PRMT8: variants seen among roughly 807,000 people sequenced by gnomAD.
PRMT8 encodes protein arginine N-methyltransferase 8.
Under a neutral mutation model 47.1 loss-of-function variants are expected in PRMT8, and 7 were observed. That is an observed-to-expected ratio of 0.15 (90% CI 0.08 to 0.28). The LOEUF is 0.28. Ranked by LOEUF, PRMT8 falls within the 10% of genes least tolerant of loss-of-function variation. The probability of loss-of-function intolerance (pLI) is 1.00; values close to 1 mark genes in which losing one functional copy is unlikely to be tolerated. For missense variants in PRMT8, 237 were observed against 505.4 expected (o/e 0.47, Z 5.09); for synonymous variants, 188 against 186.5 (o/e 1.01, Z -0.07).
At chr12:3,490,788 A>G (rs1180931369), upstream of PRMT8, among the ~76,000 whole-genome samples, 2 of 147,534 alleles carry the variant, frequency 1.4e-5, no homozygotes, top group African/African-American at 4.9e-5. Flanking sequence ...CCCCATCCAG[A>G]CACCCACCCC....
In PRMT8 at chr12:3,568,249, A is replaced by G. The variant is rs188379421; in HGVS notation, c.482-457A>G. 1.5e-3 allele frequency among the ~76,000 whole-genome samples: 232 copies of G among 152,170 alleles called. 2 individuals carry two copies. The highest frequency in any genetic ancestry group is 5.3e-3 in the African/African-American group (219 of 41,504). Reference sequence around the variant, plus strand: ...AGGTCTCTGTCCTCATTGCCTTCACATGGAATAGGCTGAGGAGGAGGGAGA... The same window carrying G: ...AGGTCTCTGTCCTCATTGCCTTCACGTGGAATAGGCTGAGGAGGAGGGAGA... On this transcript the variant is annotated intron_variant, in intron 4 of 9. Coordinates refer to ENST00000382622, the MANE Select transcript of PRMT8 (RefSeq NM_019854.5).
chr12:3,463,738 C>T (rs1423777949), intron 1 of PRMT8, among the ~76,000 whole-genome samples: 1 of 152,176 alleles, frequency 6.6e-6, no homozygotes, highest in African/African-American at 2.4e-5. Flanking sequence ...GAATTACAGG[C>T]ATGAGCCACT....
chr12:3,513,601 G>T (rs993500443), intron 1 of PRMT8, among the ~76,000 whole-genome samples: 1 of 152,068 alleles, frequency 6.6e-6, no homozygotes, highest in Non-Finnish European at 1.5e-5. Context: ...TAGGGAATGC[G>T]TGCGCTCCGT....
intron 1 of PRMT8, among the ~76,000 whole-genome samples, chr12:3,382,900 G>C (rs1021346326): frequency 6.6e-6 from 1 of 152,166 alleles, no homozygotes; most frequent in African/African-American, 2.4e-5. Context: ...GTAGGACTTA[G>C]GGGAAGGGAG....
chr12:3,491,328 G>C lies in PRMT8; in HGVS notation c.-298G>C. The C allele has an allele frequency of 9.2e-7, 1 of 1,091,132 alleles. No homozygotes were observed. Among genetic ancestry groups the C allele is most frequent in the East Asian group, 5.8e-5 (1 of 17,218 alleles). 67.6% of individuals were successfully genotyped at this position (1,091,132 alleles called of 1,614,324 possible). On this transcript the variant is annotated 5_prime_UTR_variant, in exon 1 of 10. Transcript: ENST00000382622. Reference sequence around the variant, plus strand: ...CCGCCGCCGCGGAGGCTTCGGGGCTGCTTCCCTCGAGCTTAGCCCGCAGCG... The same window carrying C: ...CCGCCGCCGCGGAGGCTTCGGGGCTCCTTCCCTCGAGCTTAGCCCGCAGCG...
At chr12:3,489,398 G>A (rs1256763460), upstream of PRMT8, among the ~76,000 whole-genome samples, 1 of 151,796 alleles carries the variant, frequency 6.6e-6, no homozygotes, top group African/African-American at 2.4e-5. Context: ...GGAGGCTGGG[G>A]AGCTGGGTCC....
At chr12:3,467,949 G>A (rs4766128) in intron 1 of PRMT8, among the ~76,000 whole-genome samples, 59,583 of 152,062 alleles carry the variant, frequency 0.39, 13,425 homozygotes, top group South Asian at 0.56. Flanking sequence ...CACCCTAACT[G>A]AGGCGGGGGC....
rs183256455 is a variant in PRMT8 at position 3,399,293 on chromosome 12, A to C, written c.48+17851A>C. 3.3e-5 allele frequency among the ~76,000 whole-genome samples: 5 copies of C among 152,302 alleles called. No homozygotes were observed. In the East Asian group the frequency reaches 9.7e-4, roughly 29 times the overall value. On this transcript the variant is annotated intron_variant, in intron 1 of 9. Coordinates refer to the PRMT8 transcript ENST00000452611. ...ACCCTTTTACCAGCAAGTAGCTTTCAAAGTTGGCGACTGGGGAGCTGGAGA... is the reference window on the plus strand; with the variant it reads ...ACCCTTTTACCAGCAAGTAGCTTTCCAAGTTGGCGACTGGGGAGCTGGAGA...
rs898799327 is a variant in PRMT8 at position 3,473,227 on chromosome 12, C to G, written c.49-67379C>G. Among the ~76,000 whole-genome samples, 3 of 152,150 alleles carry G rather than the reference C, an allele frequency of 2.0e-5. No homozygotes were observed. The East Asian group carries it at 5.8e-4, about 29-fold the overall frequency. Reference sequence around the variant, plus strand: ...TCTGACTTTCACAGCTCCCCTCTCCCCAAGAACATTCCATGCAACCCCTTG... The same window carrying G: ...TCTGACTTTCACAGCTCCCCTCTCCGCAAGAACATTCCATGCAACCCCTTG... On this transcript the variant is annotated intron_variant, in intron 1 of 9. Coordinates refer to the PRMT8 transcript ENST00000452611.
rs1041068529 is a variant in PRMT8 at position 3,557,941 on chromosome 12, A to T, written c.481+4227A>T. On this transcript the variant is annotated intron_variant, in intron 4 of 9. Transcript: ENST00000382622. This position sits in a 1 kb window ranked among gnomAD's most constrained non-coding sequence, Gnocchi z 4.7. The stretch of plus-strand genomic sequence containing the variant: ...ATTCCCCTCCCTCTGCACAGGTTTC[A>T]CCTGTGCCGTAATTCCTGACCTCTG... 6.6e-6 allele frequency among the ~76,000 whole-genome samples: 1 copy of T among 151,876 alleles called. No homozygotes were observed. The highest frequency in any genetic ancestry group is 2.4e-5 in the African/African-American group (1 of 41,334).
At chr12:3,497,449 G>A (rs949723242) in intron 1 of PRMT8, among the ~76,000 whole-genome samples, 2 of 152,162 alleles carry the variant, frequency 1.3e-5, no homozygotes, top group African/African-American at 2.4e-5. Context: ...CAACCTCTTC[G>A]ATTGCAATCT....
intron 1 of PRMT8, among the ~76,000 whole-genome samples, chr12:3,523,670 C>T (rs1865913651): frequency 6.6e-6 from 1 of 152,200 alleles, no homozygotes. Context: ...TGGGCGGCCT[C>T]AGGCACAGGG....
intron 1 of PRMT8, among the ~76,000 whole-genome samples, chr12:3,458,061 T>C (rs913893365): frequency 6.6e-6 from 1 of 152,016 alleles, no homozygotes. Context: ...CAGGCTGGTC[T>C]CGATTTCTTG....
chr12:3,399,370 G>A (rs1040308670), intron 1 of PRMT8, among the ~76,000 whole-genome samples: 3 of 152,212 alleles, frequency 2.0e-5, no homozygotes, highest in African/African-American at 7.2e-5. Context: ...CTTTCAGGGA[G>A]TTTAAGCAAG....
chr12:3,467,064 C>T (rs1235343584), intron 1 of PRMT8, among the ~76,000 whole-genome samples: 3 of 151,810 alleles, frequency 2.0e-5, no homozygotes, highest in Non-Finnish European at 4.4e-5. Context: ...ACGGGGAAAC[C>T]CCGTCTCTAC....
chr12:3,562,734 A>G (rs2137196147), intron 4 of PRMT8, among the ~76,000 whole-genome samples: 1 of 152,068 alleles, frequency 6.6e-6, no homozygotes, highest in Middle Eastern at 3.4e-3. Context: ...TACAAACCGG[A>G]GCTGTTTTGT....
chr12:3,388,997 C>T (rs1864167845), intron 1 of PRMT8, among the ~76,000 whole-genome samples: 2 of 152,016 alleles, frequency 1.3e-5, no homozygotes, highest in Non-Finnish European at 1.5e-5. Context: ...GCTTTGATTC[C>T]ATCCCACGGT....
At chr12:3,510,653 C>T (rs1177123563) in intron 1 of PRMT8, among the ~76,000 whole-genome samples, 1 of 152,188 alleles carries the variant, frequency 6.6e-6, no homozygotes. Flanking sequence ...TACTGCAGGG[C>T]CTGGGGCCTT....
At chr12:3,448,193 T>TG (rs376007872) in intron 1 of PRMT8, among the ~76,000 whole-genome samples, 5 of 152,078 alleles carry the variant, frequency 3.3e-5, no homozygotes, top group African/African-American at 9.7e-5. Context: ...TTTGTAGAGG[T>TG]GGGGTCTTGT....
Sources: gnomAD v4.1 joint callset for allele counts (sites outside exome capture counted in the v4.1 genomes callset) on GRCh38, gnomAD v4.1.1 for gene constraint, Gnocchi (gnomAD v3.1) non-coding constraint, MANE v1.5 for transcripts, NCBI Gene and HGNC (gene_info 2026-07-23, HGNC 2026-07-21) for gene names.